CC2D2B: variants seen among roughly 807,000 people sequenced by gnomAD.
The protein encoded by CC2D2B is protein CC2D2B.
Under a neutral mutation model 161.2 loss-of-function variants are expected in CC2D2B, and 128 were observed. That is an observed-to-expected ratio of 0.79 (90% CI 0.69 to 0.92). The LOEUF is 0.92. Ranked by LOEUF, CC2D2B falls within the 40% of genes least tolerant of loss-of-function variation. CC2D2B has a pLI of 0.00. For missense variants in CC2D2B, 1,173 were observed against 1,375.1 expected, an observed-to-expected ratio of 0.85 and a Z score of 2.32; for synonymous variants, 391 against 449.8, an observed-to-expected ratio of 0.87 and a Z score of 1.65.
intron 2 of CC2D2B, among the ~76,000 whole-genome samples, chr10:95,918,382 A>G (rs900125979): frequency 6.6e-6 from 1 of 152,216 alleles, no homozygotes; most frequent in Non-Finnish European, 1.5e-5. Flanking sequence ...TTTTCACTGG[A>G]TACAATTTTC....
chr10:95,969,381 A>G (rs1479071121), intron 15 of CC2D2B, among the ~76,000 whole-genome samples: 2 of 152,158 alleles, frequency 1.3e-5, no homozygotes, highest in Non-Finnish European at 2.9e-5. Context: ...TCTCTGTGCA[A>G]AGATCCCACT....
chr10:96,003,168 G>T (rs2078584236), intron 24 of CC2D2B, among the ~76,000 whole-genome samples: 1 of 151,898 alleles, frequency 6.6e-6, no homozygotes, highest in African/African-American at 2.4e-5. Flanking sequence ...CAGTTTCTCT[G>T]TGTAAAGTAA....
intron 24 of CC2D2B, chr10:96,000,124 T>A (rs1204989361): frequency 8.2e-6 from 12 of 1,471,598 alleles, no homozygotes; most frequent in Admixed American, 5.7e-5. Context: ...TCTCTTGATG[T>A]CTACAATATC....
intron 19 of CC2D2B, among the ~76,000 whole-genome samples, chr10:95,987,076 G>T (rs1383577215): frequency 6.6e-6 from 1 of 152,116 alleles, no homozygotes; most frequent in East Asian, 1.9e-4. Flanking sequence ...TGTAATCCCA[G>T]CCCTTTAGGA....
chr10:96,025,213 A>ATATAGC, intron 33 of CC2D2B, among the ~76,000 whole-genome samples: 1 of 131,324 alleles, frequency 7.6e-6, no homozygotes, highest in Non-Finnish European at 1.6e-5. Flanking sequence ...ATATATATAT[A>ATATAGC]TATATATAGC....
intron 14 of CC2D2B, among the ~76,000 whole-genome samples, chr10:95,967,930 C>A (rs2076997444): frequency 6.6e-6 from 1 of 152,190 alleles, no homozygotes; most frequent in Admixed American, 6.5e-5. Flanking sequence ...ATCTTCCACC[C>A]AGCCTTCTCC....
chr10:95,929,607 G>A lies in CC2D2B; in HGVS notation c.336+2275G>A, dbSNP rs191037703. Among the ~76,000 whole-genome samples the A allele has an allele frequency of 1.1e-4, 16 of 152,058 alleles. No homozygotes were observed. In the East Asian group the frequency reaches 2.9e-3, roughly 27 times the overall value. On this transcript the variant is annotated intron_variant, in intron 6 of 34. Coordinates refer to ENST00000646931, the MANE Select transcript of CC2D2B (RefSeq NM_001349008.3). ...AGGAAGGGGTCCAGTTTCAGTTTTC[G>A]GCATATGGCTAACCAGTTTTCCCAA... is the stretch of plus-strand genomic sequence containing the variant.
At chr10:95,992,495 AAT>A in intron 21 of CC2D2B, 30 bp from the exon 22 acceptor site, 5 of 1,231,952 alleles carry the variant, frequency 4.1e-6, no homozygotes, top group Non-Finnish European at 5.1e-6. Flanking sequence ...AGAAAACGTA[AAT>A]GAGGCTAATG....
intron 22 of CC2D2B, among the ~76,000 whole-genome samples, chr10:95,993,964 A>G (rs1162903349): frequency 0.011 from 276 of 25,582 alleles, 1 homozygote; most frequent in African/African-American, 0.037. Context: ...ATATATATAT[A>G]TATATATATA....
intron 25 of CC2D2B, among the ~76,000 whole-genome samples, chr10:96,005,699 C>T (rs1556744): frequency 0.29 from 44,473 of 151,922 alleles, 8,209 homozygotes; most frequent in East Asian, 0.78. Context: ...CTTACAGACA[C>T]GTAGCCTATT....
chr10:95,967,364 T>C (rs2076975199), intron 14 of CC2D2B, among the ~76,000 whole-genome samples: 1 of 152,122 alleles, frequency 6.6e-6, no homozygotes, highest in African/African-American at 2.4e-5. Context: ...ATATTTGTGC[T>C]GGAAAACCTA....
intron 16 of CC2D2B, 38 bp downstream of exon 16, chr10:95,972,254 T>C: frequency 8.3e-7 from 1 of 1,205,462 alleles, no homozygotes; most frequent in Non-Finnish European, 1.0e-6. Flanking sequence ...CCCTATTTTC[T>C]TCCTGAGTAC....
chr10:96,029,528 C>T (rs2079975405), intron 34 of CC2D2B, among the ~76,000 whole-genome samples: 1 of 151,160 alleles, frequency 6.6e-6, no homozygotes, highest in Admixed American at 6.6e-5. Flanking sequence ...CTAAGAAAAA[C>T]CTCTAGTAGT....
Position 96,032,358 on chromosome 10 carries a change from T to G in CC2D2B, c.*350T>G, listed in dbSNP as rs965831124. The G allele has an allele frequency of 9.4e-6, 2 of 212,122 alleles. No individual in the cohort carries two copies. The highest frequency in any genetic ancestry group is 4.6e-5 in the African/African-American group (2 of 43,834). The allele number at this position is 212,122 out of a possible 1,614,324, so 13.1% of individuals were successfully genotyped here. On this transcript the variant is annotated 3_prime_UTR_variant, in exon 35 of 35. Coordinates refer to ENST00000646931, the MANE Select transcript of CC2D2B (RefSeq NM_001349008.3). ...ATTGTAGAATTCACACCACCTCCAT[T>G]TGAATCATCTGGAGAGCCTTGTTGA... is the stretch of plus-strand genomic sequence containing the variant.
chr10:96,030,736 G>C (rs2080031840), intron 34 of CC2D2B, among the ~76,000 whole-genome samples: 1 of 152,140 alleles, frequency 6.6e-6, no homozygotes, highest in Non-Finnish European at 1.5e-5. Context: ...AAAGAAGTAA[G>C]GTAGGTTTTG....
chr10:95,923,946 G>A (rs558952700), intron 3 of CC2D2B, among the ~76,000 whole-genome samples: 4 of 152,094 alleles, frequency 2.6e-5, no homozygotes, highest in African/African-American at 4.8e-5. Flanking sequence ...GCTTGAACCC[G>A]GGAGGGGGAG....
chr10:95,937,391 T>G (rs1421101801), intron 6 of CC2D2B, among the ~76,000 whole-genome samples: 2 of 152,180 alleles, frequency 1.3e-5, no homozygotes, highest in African/African-American at 4.8e-5. Context: ...GTATGATACA[T>G]TCATTTTAAT....
intron 25 of CC2D2B, among the ~76,000 whole-genome samples, chr10:96,008,142 G>A (rs1386055809): frequency 7.0e-6 from 1 of 143,010 alleles, no homozygotes; most frequent in African/African-American, 2.6e-5. Context: ...GAATTTTATC[G>A]AAAATGGAAT....
Position 96,032,528 on chromosome 10 carries a change from G to A in CC2D2B, c.*520G>A. The A allele has an allele frequency of 3.6e-6, 1 of 274,564 alleles. No homozygotes were observed. Among genetic ancestry groups the A allele is most frequent in the South Asian group, 3.9e-5 (1 of 25,470 alleles). 17.0% of individuals were successfully genotyped at this position (274,564 alleles called of 1,614,324 possible). A position where few individuals can be genotyped will look rare whatever the true frequency, so the allele number is the denominator to read the frequency against. On this transcript the variant is annotated 3_prime_UTR_variant, in exon 35 of 35. Coordinates refer to ENST00000646931, the MANE Select transcript of CC2D2B (RefSeq NM_001349008.3). ...GGAGAGCCCAGCCTTATAGAATGTT[G>A]TCACTACTAAACTAAGGCTGGTACG...
Sources: gnomAD v4.1 joint callset for allele counts (sites outside exome capture counted in the v4.1 genomes callset) on GRCh38, gnomAD v4.1.1 for gene constraint, MANE v1.5 for transcripts, NCBI Gene and HGNC (gene_info 2026-07-23, HGNC 2026-07-21) for gene names.